CHLSN: variants seen among roughly 807,000 people sequenced by gnomAD.
CHLSN encodes the protein protein cholesin.
chr7:1,029,990 C>A, the CHLSN span, among the ~76,000 whole-genome samples: 1 of 152,148 alleles, frequency 6.6e-6, no homozygotes. Flanking sequence ...GCAGTGCTTC[C>A]GATTTAGTGT....
At chr7:1,071,294 A>C in the CHLSN span, among the ~76,000 whole-genome samples, 7 of 152,266 alleles carry the variant, frequency 4.6e-5, no homozygotes, top group Non-Finnish European at 1.0e-4. Flanking sequence ...ATAGGCTTAA[A>C]AATTCTTTTT....
the CHLSN span, among the ~76,000 whole-genome samples, chr7:1,135,954 TATAA>T: frequency 5.6e-5 from 7 of 125,146 alleles, no homozygotes; most frequent in Admixed American, 3.7e-4. Context: ...TATAAATATA[TATAA>T]ATATATATAA....
the CHLSN span, among the ~76,000 whole-genome samples, chr7:1,130,635 G>A: frequency 1.3e-5 from 2 of 149,952 alleles, no homozygotes; most frequent in African/African-American, 2.4e-5. Context: ...CTCCTCTGCC[G>A]CCCCCACTGG....
chr7:1,076,401 A>C, the CHLSN span, among the ~76,000 whole-genome samples: 1 of 152,186 alleles, frequency 6.6e-6, no homozygotes, highest in South Asian at 2.1e-4. Flanking sequence ...GCTGCTCCGC[A>C]GGAGGCTGGG....
the CHLSN span, among the ~76,000 whole-genome samples, chr7:1,135,936 T>C: frequency 8.1e-6 from 1 of 123,002 alleles, no homozygotes; most frequent in Non-Finnish European, 1.6e-5. Context: ...TATAAATATA[T>C]AAGTATATAT....
the CHLSN span, among the ~76,000 whole-genome samples, chr7:1,122,544 T>C: frequency 0.61 from 92,231 of 151,844 alleles, 29,697 homozygotes; most frequent in African/African-American, 0.83. Context: ...AGGGGGAGGG[T>C]GAAAGACAGA....
the CHLSN span, among the ~76,000 whole-genome samples, chr7:1,001,551 G>T: frequency 2.2e-5 from 3 of 135,500 alleles, no homozygotes; most frequent in Non-Finnish European, 3.2e-5. Context: ...TCCTGTGGGT[G>T]AGTGGAGCCC....
chr7:1,095,807 G>A, the CHLSN span, among the ~76,000 whole-genome samples: 828 of 152,328 alleles, frequency 5.4e-3, 8 homozygotes, highest in African/African-American at 0.019. Context: ...TGTAGCACTC[G>A]GCAACCCCTG....
At chr7:1,131,722 C>A in the CHLSN span, among the ~76,000 whole-genome samples, 1 of 152,120 alleles carries the variant, frequency 6.6e-6, no homozygotes, top group Non-Finnish European at 1.5e-5. Flanking sequence ...ATTTACACAC[C>A]CATTACTATA....
At chr7:1,127,155 C>T in the CHLSN span, 1 of 1,392,352 alleles carries the variant, frequency 7.2e-7, no homozygotes. Flanking sequence ...GTTCCAGGCT[C>T]TGCTCCACAG....
At chr7:1,095,722 T>C in the CHLSN span, among the ~76,000 whole-genome samples, 5 of 152,368 alleles carry the variant, frequency 3.3e-5, no homozygotes, top group African/African-American at 9.6e-5. Context: ...GGTCAGTCAC[T>C]GCTCGAAGCC....
the CHLSN span, among the ~76,000 whole-genome samples, chr7:1,049,918 ACCAGCCAGG>A: frequency 3.3e-5 from 5 of 151,906 alleles, no homozygotes; most frequent in African/African-American, 1.2e-4. Context: ...ATTGCCTCCC[ACCAGCCAGG>A]CCTGGCAGCA....
At chr7:1,064,869 AAGGCCCC>A in the CHLSN span, among the ~76,000 whole-genome samples, 1 of 152,230 alleles carries the variant, frequency 6.6e-6, no homozygotes, top group Non-Finnish European at 1.5e-5. Flanking sequence ...GGGCGCACAG[AAGGCCCC>A]AGGAGGGAGG....
the CHLSN span, among the ~76,000 whole-genome samples, chr7:982,739 C>T: frequency 2.2e-3 from 335 of 152,350 alleles, 1 homozygote; most frequent in African/African-American, 7.3e-3. Context: ...TGGGTGCACA[C>T]GGATGGGGTT....
At chr7:1,120,193 T>A in the CHLSN span, among the ~76,000 whole-genome samples, 2 of 152,296 alleles carry the variant, frequency 1.3e-5, no homozygotes, top group East Asian at 3.9e-4. Flanking sequence ...ACATACTCAG[T>A]ATGACAAGAC....
chr7:1,044,681 G>C, the CHLSN span: 1 of 152,102 alleles, frequency 6.6e-6, no homozygotes, highest in East Asian at 1.9e-4. Flanking sequence ...CGGGAGCCTG[G>C]GTCGGGTCGG....
the CHLSN span, among the ~76,000 whole-genome samples, chr7:1,110,219 C>G: frequency 1.3e-5 from 2 of 152,214 alleles, no homozygotes; most frequent in African/African-American, 4.8e-5. Context: ...CCTAGCTTCC[C>G]GCCAGAATAC....
chr7:1,123,130 G>A, the CHLSN span, among the ~76,000 whole-genome samples: 7 of 152,176 alleles, frequency 4.6e-5, no homozygotes, highest in Non-Finnish European at 1.0e-4. The surrounding 1 kb of genome is among the most constrained non-coding windows in gnomAD (Gnocchi z 4.4). Flanking sequence ...CCTCACCAAC[G>A]CCAGACAGAG....
chr7:1,131,157 C>T, the CHLSN span, among the ~76,000 whole-genome samples: 1 of 143,036 alleles, frequency 7.0e-6, no homozygotes, highest in African/African-American at 2.7e-5. Context: ...TACCACTGCA[C>T]TCCAGCCTGG....
Sources: allele counts gnomAD v4.1 joint callset (sites outside exome capture counted in the v4.1 genomes callset), GRCh38; gene constraint gnomAD v4.1.1; non-coding constraint Gnocchi (gnomAD v3.1); transcripts MANE v1.5; gene names NCBI Gene and HGNC (gene_info 2026-07-23, HGNC 2026-07-21).